Variants in NEDD4L observed in about 807,000 individuals in gnomAD.
NEDD4L encodes the protein NEDD4 like E3 ubiquitin protein ligase.
A neutral mutation model predicts 148.9 loss-of-function variants in NEDD4L; 54 were observed. The observed-to-expected ratio is 0.36, with a 90% CI of 0.29 to 0.45. NEDD4L has a LOEUF of 0.45. NEDD4L is among the 20% of genes least tolerant of loss of function. The pLI is 1.00. For synonymous variants in NEDD4L, 433 were observed against 440.7 expected (o/e 0.98, Z 0.22); for missense variants, 856 against 1,233.8 (o/e 0.69, Z 4.59).
intron 1 of NEDD4L, among the ~76,000 whole-genome samples, chr18:58,146,770 T>C (rs1573391): frequency 0.26 from 40,099 of 152,132 alleles, 5,895 homozygotes; most frequent in Non-Finnish European, 0.33. Context: ...GAGCCTGCGG[T>C]GTGGTCCCTT....
At position 58,328,960 on chromosome 18, in the gene NEDD4L, CTCT is replaced by C. The variant is rs565050756; in HGVS notation, c.681-28_681-26del. The C allele has an allele frequency of 1.2e-3, 1,880 of 1,613,310 alleles. 5 individuals are homozygous for C. Among genetic ancestry groups the C allele is most frequent in the South Asian group, 1.7e-3 (152 of 91,008 alleles). ...ATGAAGGGCCCGATCTCAACCACTTCTCTTCTTCTCTTTCCCCCTTTCCTGCAT... is the reference window on the plus strand; with the variant it reads ...ATGAAGGGCCCGATCTCAACCACTTCTCTTCTCTTTCCCCCTTTCCTGCAT... On this transcript the variant is annotated intron_variant, in intron 9 of 30. Coordinates refer to ENST00000400345, the MANE Select transcript of NEDD4L (RefSeq NM_001144967.3).
At chr18:58,133,327 G>C (rs2032409567) in intron 1 of NEDD4L, among the ~76,000 whole-genome samples, 1 of 152,170 alleles carries the variant, frequency 6.6e-6, no homozygotes, top group Admixed American at 6.5e-5. Flanking sequence ...CATGGTCCCA[G>C]GGTTTATACA....
chr18:58,097,594 T>C (rs1024923591), intron 1 of NEDD4L, among the ~76,000 whole-genome samples: 4 of 152,094 alleles, frequency 2.6e-5, no homozygotes, highest in Non-Finnish European at 5.9e-5. Context: ...AAGTCTAAAG[T>C]TAATTGAGCC....
At chr18:58,346,006 G>T (rs566284208) in intron 16 of NEDD4L, among the ~76,000 whole-genome samples, 1 of 150,862 alleles carries the variant, frequency 6.6e-6, no homozygotes, top group Admixed American at 6.6e-5. Context: ...TGATCCTGCC[G>T]CTTCGGCCTC....
rs896753379 is a variant in NEDD4L at position 58,195,637 on chromosome 18, C to A, written c.122+29776C>A. 11 of 1,350,414 alleles carry A rather than the reference C, an allele frequency of 8.1e-6. No homozygotes were observed. The African/African-American group carries it at 1.6e-4, about 20-fold the overall frequency. The allele number at this position is 1,350,414 out of a possible 1,614,324, so 83.7% of individuals were successfully genotyped here. A position where few individuals can be genotyped will look rare whatever the true frequency, so the allele number is the denominator to read the frequency against. ...GGCGGAGACCAGGATTTCTCCTCGC[C>A]GCCGTTGCTGTTGTTAGGGGAAACA... On this transcript the variant is annotated intron_variant, in intron 2 of 30. Transcript: ENST00000400345.
chr18:58,061,604 T>C (rs1361702313), intron 1 of NEDD4L, among the ~76,000 whole-genome samples: 1 of 152,114 alleles, frequency 6.6e-6, no homozygotes, highest in East Asian at 1.9e-4. Flanking sequence ...TTGCAGCAGG[T>C]AGTTCAAAGA....
At chr18:58,138,233 A>T (rs1467081196) in intron 1 of NEDD4L, among the ~76,000 whole-genome samples, 1 of 152,182 alleles carries the variant, frequency 6.6e-6, no homozygotes, top group African/African-American at 2.4e-5. Flanking sequence ...TTTCATACCC[A>T]TGGGTTGTAT....
rs187271320 is a variant in NEDD4L, at chr18:58,263,771, A to G, written c.297+11717A>G. On this transcript the variant is annotated intron_variant, in intron 5 of 30. Coordinates refer to ENST00000400345, the MANE Select transcript of NEDD4L (RefSeq NM_001144967.3). ...GTCCAGATTTTAAAAATTGAGTTGA[A>G]TAGAAAAGGTGGGGTGGAACCAGCA... Among the ~76,000 whole-genome samples the G allele has an allele frequency of 1.1e-4, 16 of 151,392 alleles. No individual in the cohort carries two copies. In the East Asian group the frequency reaches 3.1e-3, roughly 30 times the overall value.
At chr18:58,096,234 C>G (rs990578984) in intron 1 of NEDD4L, among the ~76,000 whole-genome samples, 1 of 151,880 alleles carries the variant, frequency 6.6e-6, no homozygotes, top group African/African-American at 2.4e-5. Flanking sequence ...TATGGGAAAA[C>G]TATTTTTGAA....
intron 5 of NEDD4L, among the ~76,000 whole-genome samples, chr18:58,296,801 A>G (rs1485092240): frequency 6.6e-6 from 1 of 152,216 alleles, no homozygotes; most frequent in Non-Finnish European, 1.5e-5. Flanking sequence ...ACGCACCTAT[A>G]ATTCCAGCTA....
chr18:58,079,408 C>T (rs1599116697), intron 1 of NEDD4L, among the ~76,000 whole-genome samples: 1 of 152,192 alleles, frequency 6.6e-6, no homozygotes, highest in Non-Finnish European at 1.5e-5. Context: ...ATGTAACAAA[C>T]ACTCACAGTG....
intron 2 of NEDD4L, among the ~76,000 whole-genome samples, chr18:58,199,655 T>G (rs1488874006): frequency 6.6e-6 from 1 of 152,214 alleles, no homozygotes; most frequent in African/African-American, 2.4e-5. Context: ...AAGGTTGGTT[T>G]GTTGAAGAGC....
chr18:58,302,204 C>T (rs550263099), intron 5 of NEDD4L, among the ~76,000 whole-genome samples: 1 of 152,090 alleles, frequency 6.6e-6, no homozygotes, highest in East Asian at 1.9e-4. Flanking sequence ...CATGTATACA[C>T]ATTGGTGAAT....
chr18:58,108,763 C>G (rs1196819162), intron 1 of NEDD4L, among the ~76,000 whole-genome samples: 1 of 152,196 alleles, frequency 6.6e-6, no homozygotes, highest in African/African-American at 2.4e-5. Context: ...ATAATAGAGA[C>G]TGGATTTTGA....
chr18:58,291,637 G>A (rs1007037323), intron 5 of NEDD4L, among the ~76,000 whole-genome samples: 2 of 152,176 alleles, frequency 1.3e-5, no homozygotes, highest in Non-Finnish European at 2.9e-5. Flanking sequence ...GCCTAGGAAA[G>A]ACAGCCCTAA....
chr18:58,153,486 T>C (rs2035058767), intron 1 of NEDD4L, among the ~76,000 whole-genome samples: 1 of 151,562 alleles, frequency 6.6e-6, no homozygotes, highest in Admixed American at 6.6e-5. Context: ...ATTACATGCA[T>C]GAGCCACCAG....
intron 2 of NEDD4L, chr18:58,195,248 A>G (rs2040526008): frequency 7.5e-6 from 3 of 398,938 alleles, no homozygotes; most frequent in East Asian, 7.4e-5. Flanking sequence ...TCTCATGGCA[A>G]GTTGGCTGTT....
Position 58,347,205 on chromosome 18 carries a change from G to GCCCCCCCCCCCCCCCCCCCCC in NEDD4L, c.1576-2324_1576-2323insCCCCCCCCCCCCCCCCCCCCC, listed in dbSNP as rs138430099. On this transcript the variant is annotated intron_variant, in intron 16 of 30. Coordinates refer to ENST00000400345, the MANE Select transcript of NEDD4L (RefSeq NM_001144967.3). ...AATTTCAGCTTCTTTTCACGCTACGGCCCCCCCCGCCCCCCCCCCCCCTTT... is the reference window on the plus strand; with the variant it reads ...AATTTCAGCTTCTTTTCACGCTACGGCCCCCCCCCCCCCCCCCCCCCCCCCCCCCGCCCCCCCCCCCCCTTT... 3.5e-4 allele frequency among the ~76,000 whole-genome samples: 14 copies of GCCCCCCCCCCCCCCCCCCCCC among 39,588 alleles called. 1 individual carries two copies. The highest frequency in any genetic ancestry group is 7.0e-4 in the African/African-American group (5 of 7,158). 26.0% of individuals were successfully genotyped at this position (39,588 alleles called of 152,430 possible). A position where few individuals can be genotyped will look rare whatever the true frequency, so the allele number is the denominator to read the frequency against.
intron 1 of NEDD4L, chr18:58,047,337 A>G (rs2081632197): frequency 1.0e-6 from 1 of 985,036 alleles, no homozygotes; most frequent in Admixed American, 6.1e-5. Context: ...GATTGTTGAA[A>G]AGCATGGTAT....
Sources: allele counts gnomAD v4.1 joint callset (sites outside exome capture counted in the v4.1 genomes callset), GRCh38; gene constraint gnomAD v4.1.1; transcripts MANE v1.5; gene names NCBI Gene and HGNC (gene_info 2026-07-23, HGNC 2026-07-21).